The following SPAG17 variants were observed in gnomAD, a reference collection of about 807,000 sequenced individuals.
SPAG17 encodes the protein sperm associated antigen 17.
Under a neutral mutation model 273.6 loss-of-function variants are expected in SPAG17, and 169 were observed. The ratio of observed to expected loss-of-function variants is 0.62; its 90% confidence interval spans 0.55 to 0.70. The LOEUF (loss-of-function observed/expected upper bound fraction) is 0.70. Ranked by LOEUF, SPAG17 falls within the 30% of genes least tolerant of loss-of-function variation. SPAG17 has a pLI of 0.00. For synonymous variants in SPAG17, 825 were observed against 873.2 expected, an observed-to-expected ratio of 0.94 and a Z score of 0.97; for missense variants, 2,557 against 2,627.8, an observed-to-expected ratio of 0.97 and a Z score of 0.59.
chr1:118,108,374 C>T (rs1398984922), intron 4 of SPAG17, among the ~76,000 whole-genome samples: 1 of 152,062 alleles, frequency 6.6e-6, no homozygotes, highest in Non-Finnish European at 1.5e-5. Context: ...CTGAGTAAAC[C>T]CTTCTCACTT....
In SPAG17 at chr1:117,984,752, T is replaced by C. The variant is rs751632459; in HGVS notation, c.5700A>G (p.Leu1900=). 1 of 1,610,816 alleles carries C rather than the reference T, an allele frequency of 6.2e-7. No homozygotes were observed. The highest frequency in any genetic ancestry group is 2.2e-5 in the East Asian group (1 of 44,734). ...GTATTATGCGGTTCTTAATATCCAT[T>C]AGGTAATTCTGTGTTGTCTCAATTT... ...RKEIETTQNY[L]MDIKNRIIPP... Residue 1900 remains leucine, a synonymous_variant, in exon 41 of 49, where the codon CTA becomes CTG. Coordinates refer to ENST00000336338, the MANE Select transcript of SPAG17 (RefSeq NM_206996.4).
In SPAG17 at chr1:118,183,872, A is replaced by G. The variant is rs555319747; in HGVS notation, c.87+1199T>C. Reference sequence around the variant, plus strand: ...GCGCTGACTTATAAAAGCAAAAGAGAGGGTGCTTTTACAAAGTGCTTTGAA... The same window carrying G: ...GCGCTGACTTATAAAAGCAAAAGAGGGGGTGCTTTTACAAAGTGCTTTGAA... On this transcript the variant is annotated intron_variant, in intron 1 of 48. Coordinates refer to ENST00000336338, the MANE Select transcript of SPAG17 (RefSeq NM_206996.4). Among the ~76,000 whole-genome samples the G allele has an allele frequency of 3.9e-5, 6 of 152,312 alleles. No individual in the cohort carries two copies. The East Asian group carries it at 1.2e-3, about 29-fold the overall frequency.
At chr1:118,125,062 C>T in intron 3 of SPAG17, among the ~76,000 whole-genome samples, 1 of 152,128 alleles carries the variant, frequency 6.6e-6, no homozygotes, top group South Asian at 2.1e-4. Flanking sequence ...TAGTTTTGCT[C>T]CTACCTGATG....
chr1:118,061,672 A>G (rs547774366), intron 18 of SPAG17, among the ~76,000 whole-genome samples: 1 of 152,322 alleles, frequency 6.6e-6, no homozygotes, highest in South Asian at 2.1e-4. Context: ...CATTTTTTTA[A>G]CATAATGGGT....
At chr1:118,058,372 T>C (rs1171259424) in intron 18 of SPAG17, among the ~76,000 whole-genome samples, 1 of 152,194 alleles carries the variant, frequency 6.6e-6, no homozygotes, top group Non-Finnish European at 1.5e-5. Context: ...CAGACCCAGC[T>C]AATTTTTGTA....
chr1:117,966,026 CA>C (rs1158619832), intron 47 of SPAG17: 3 of 152,266 alleles, frequency 2.0e-5, no homozygotes, highest in African/African-American at 7.2e-5. Flanking sequence ...AACTGTAACA[CA>C]AGCAGCACAC....
intron 18 of SPAG17, 23 bp from the exon 19 acceptor site, chr1:118,055,937 T>C (rs2102002583): frequency 1.3e-6 from 2 of 1,573,614 alleles, no homozygotes; most frequent in South Asian, 2.3e-5. Context: ...ATAGCAGACG[T>C]CAATTGAGTT....
At chr1:118,040,517 T>G (rs1291986897) in intron 22 of SPAG17, among the ~76,000 whole-genome samples, 1 of 152,178 alleles carries the variant, frequency 6.6e-6, no homozygotes, top group African/African-American at 2.4e-5. Flanking sequence ...CATATTAGCA[T>G]GTACCAGCTA....
At chr1:118,022,892 C>G (rs886690517) in intron 28 of SPAG17, among the ~76,000 whole-genome samples, 1 of 152,020 alleles carries the variant, frequency 6.6e-6, no homozygotes, top group Non-Finnish European at 1.5e-5. Flanking sequence ...ATTTATTTGC[C>G]ATCTTTTCTT....
chr1:118,140,285 GCA>G (rs922099695), intron 3 of SPAG17, among the ~76,000 whole-genome samples: 1 of 152,010 alleles, frequency 6.6e-6, no homozygotes, highest in Non-Finnish European at 1.5e-5. Context: ...TTTTAAATTT[GCA>G]CAGTGTAGTG....
intron 3 of SPAG17, among the ~76,000 whole-genome samples, chr1:118,138,115 G>A (rs1658463753): frequency 6.6e-6 from 1 of 152,174 alleles, no homozygotes; most frequent in Non-Finnish European, 1.5e-5. Context: ...TTGGCTGGAA[G>A]TTGTGAACAA....
intron 10 of SPAG17, among the ~76,000 whole-genome samples, chr1:118,089,059 AG>A (rs1655195045): frequency 6.6e-6 from 1 of 152,152 alleles, no homozygotes; most frequent in South Asian, 2.1e-4. Context: ...AGGACGGGGA[AG>A]GGAAGAAAAA....
chr1:118,084,565 C>T (rs1031012828), intron 13 of SPAG17, among the ~76,000 whole-genome samples: 3 of 152,214 alleles, frequency 2.0e-5, no homozygotes, highest in Admixed American at 6.5e-5. Context: ...GACCCCTCTT[C>T]CCACTGTCTT....
At chr1:118,109,383 TAA>T (rs56023474) in intron 4 of SPAG17, among the ~76,000 whole-genome samples, 8 of 116,168 alleles carry the variant, frequency 6.9e-5, no homozygotes, top group Admixed American at 1.8e-4. Flanking sequence ...CCATCTTTAC[TAA>T]AAAAAAAAAA....
chr1:118,114,515 T>G (rs1570718318), intron 4 of SPAG17, among the ~76,000 whole-genome samples: 1 of 152,280 alleles, frequency 6.6e-6, no homozygotes, highest in East Asian at 1.9e-4. Context: ...CTTTTCCACT[T>G]AAGGCATAAA....
chr1:118,089,679 T>G (rs1655241729), intron 10 of SPAG17, among the ~76,000 whole-genome samples: 1 of 152,216 alleles, frequency 6.6e-6, no homozygotes, highest in South Asian at 2.1e-4. Flanking sequence ...AATACTTTTC[T>G]GTGCAGATTC....
intron 43 of SPAG17, among the ~76,000 whole-genome samples, chr1:117,977,071 AG>A (rs1351165708): frequency 6.6e-6 from 1 of 151,914 alleles, no homozygotes; most frequent in Non-Finnish European, 1.5e-5. Flanking sequence ...GCACTTTGGG[AG>A]GCCGAGGTGG....
chr1:117,957,304 C>A, intron 48 of SPAG17: 1 of 1,350,780 alleles, frequency 7.4e-7, no homozygotes, highest in South Asian at 1.6e-5. Flanking sequence ...ATGCCGAACT[C>A]GGTGGCTCAC....
intron 3 of SPAG17, among the ~76,000 whole-genome samples, chr1:118,145,063 T>A (rs1264554735): frequency 6.6e-6 from 1 of 152,204 alleles, no homozygotes; most frequent in Non-Finnish European, 1.5e-5. Flanking sequence ...GGCCAGAGAA[T>A]GCTTCCTGTC....
Sources: allele counts gnomAD v4.1 joint callset (sites outside exome capture counted in the v4.1 genomes callset), GRCh38; gene constraint gnomAD v4.1.1; transcripts MANE v1.5; gene names NCBI Gene and HGNC (gene_info 2026-07-23, HGNC 2026-07-21).